LRRC4C: variants seen among roughly 807,000 people sequenced by gnomAD.
The protein encoded by LRRC4C is leucine-rich repeat-containing protein 4C.
In LRRC4C, 5 loss-of-function variants were observed where a neutral mutation model predicts 33.6. That is an observed-to-expected ratio of 0.15 (90% CI 0.08 to 0.31). The LOEUF is 0.31. LRRC4C is among the 10% of genes least tolerant of loss of function. LRRC4C has a pLI of 1.00. For synonymous variants in LRRC4C, 329 were observed against 302.0 expected (o/e 1.09, Z -0.93); for missense variants, 560 against 796.7 (o/e 0.70, Z 3.58).
chr11:41,373,746 A>T (rs1952838022), intron 1 of LRRC4C, among the ~76,000 whole-genome samples: 1 of 152,146 alleles, frequency 6.6e-6, no homozygotes, highest in Non-Finnish European at 1.5e-5. Context: ...TATAGGATCC[A>T]TGAAAATTTA....
chr11:41,398,823 T>C (rs1953919104), intron 1 of LRRC4C, among the ~76,000 whole-genome samples: 1 of 151,936 alleles, frequency 6.6e-6, no homozygotes, highest in South Asian at 2.1e-4. Flanking sequence ...ATTAAATTTC[T>C]AAGTTTGATG....
chr11:41,330,661 A>T (rs1385195097), intron 1 of LRRC4C, among the ~76,000 whole-genome samples: 1 of 152,074 alleles, frequency 6.6e-6, no homozygotes, highest in Non-Finnish European at 1.5e-5. Context: ...AGCCTCGGCC[A>T]CCTGGGCTCA....
chr11:40,489,661 A>G (rs1269866349), intron 3 of LRRC4C, among the ~76,000 whole-genome samples: 7 of 152,146 alleles, frequency 4.6e-5, no homozygotes, highest in Admixed American at 3.9e-4. Context: ...TTGAAAGCTC[A>G]CAATAAATGG....
At chr11:40,705,723 G>A (rs565316057) in intron 2 of LRRC4C, among the ~76,000 whole-genome samples, 8 of 152,016 alleles carry the variant, frequency 5.3e-5, no homozygotes, top group African/African-American at 1.9e-4. Flanking sequence ...TATATACCAC[G>A]TAATGGGATC....
chr11:41,020,355 A>G (rs921573496), intron 1 of LRRC4C, among the ~76,000 whole-genome samples: 6 of 152,190 alleles, frequency 3.9e-5, no homozygotes, highest in Admixed American at 3.9e-4. Flanking sequence ...GAATTTGTGC[A>G]TATGATCGTC....
At chr11:41,252,341 A>G (rs950708570) in intron 1 of LRRC4C, among the ~76,000 whole-genome samples, 17 of 152,156 alleles carry the variant, frequency 1.1e-4, no homozygotes, top group African/African-American at 4.1e-4. Context: ...CATTTTGAAG[A>G]GATGGCTCCT....
intron 4 of LRRC4C, among the ~76,000 whole-genome samples, chr11:40,307,368 C>T (rs1945092252): frequency 1.3e-5 from 2 of 152,138 alleles, no homozygotes; most frequent in South Asian, 2.1e-4. Flanking sequence ...AGAATTGTGG[C>T]TCCCAAGATT....
intron 3 of LRRC4C, among the ~76,000 whole-genome samples, chr11:40,632,347 G>A (rs1196794563): frequency 6.6e-6 from 1 of 152,206 alleles, no homozygotes; most frequent in Non-Finnish European, 1.5e-5. Context: ...TAGAGAACAG[G>A]ATGGTAATTT....
At chr11:40,119,571 C>T (rs1855678364) in intron 6 of LRRC4C, among the ~76,000 whole-genome samples, 2 of 152,128 alleles carry the variant, frequency 1.3e-5, no homozygotes, top group Non-Finnish European at 1.5e-5. Flanking sequence ...ATACTGTAGG[C>T]ACAAAATGAA....
At chr11:40,291,908 A>G (rs1194549133) in intron 4 of LRRC4C, among the ~76,000 whole-genome samples, 43 of 150,808 alleles carry the variant, frequency 2.9e-4, no homozygotes, top group Non-Finnish European at 1.3e-4. Flanking sequence ...GGCACCCGAC[A>G]CTGCAGCGGC....
At chr11:41,306,993 T>C (rs549816427) in intron 1 of LRRC4C, among the ~76,000 whole-genome samples, 9 of 152,292 alleles carry the variant, frequency 5.9e-5, no homozygotes, top group African/African-American at 2.2e-4. Context: ...ATCTAGATAG[T>C]TGTAGTTTGA....
At chr11:41,384,886 T>C (rs1219296529) in intron 1 of LRRC4C, among the ~76,000 whole-genome samples, 1 of 148,908 alleles carries the variant, frequency 6.7e-6, no homozygotes, top group Non-Finnish European at 1.5e-5. Context: ...TATACAAACT[T>C]TTTGGGGAGC....
chr11:40,836,808 A>T (rs561238032), intron 2 of LRRC4C, among the ~76,000 whole-genome samples: 1 of 152,298 alleles, frequency 6.6e-6, no homozygotes, highest in African/African-American at 2.4e-5. Context: ...TAAAGTATAG[A>T]AAGTCCCAGA....
At chr11:40,144,996 T>C (rs578216289) in intron 5 of LRRC4C, among the ~76,000 whole-genome samples, 1 of 152,302 alleles carries the variant, frequency 6.6e-6, no homozygotes, top group South Asian at 2.1e-4. Flanking sequence ...AGTGTGCTAG[T>C]TTTCCAACTC....
At chr11:40,901,911 CAG>C (rs1450333899) in intron 2 of LRRC4C, among the ~76,000 whole-genome samples, 2 of 151,724 alleles carry the variant, frequency 1.3e-5, no homozygotes, top group South Asian at 2.1e-4. Flanking sequence ...CTCACTGAAA[CAG>C]GGGTAACTCC....
At chr11:40,880,172 A>G (rs1291799732) in intron 2 of LRRC4C, among the ~76,000 whole-genome samples, 1 of 152,036 alleles carries the variant, frequency 6.6e-6, no homozygotes, top group Non-Finnish European at 1.5e-5. Flanking sequence ...GAGAGGGGGG[A>G]AGACTTTGAG....
At chr11:40,927,453 T>C (rs545752599) in intron 2 of LRRC4C, among the ~76,000 whole-genome samples, 2 of 152,294 alleles carry the variant, frequency 1.3e-5, no homozygotes, top group South Asian at 4.1e-4. Context: ...AAATATGTAT[T>C]TATTAATTGT....
At chr11:40,471,000 G>A (rs554006204) in intron 3 of LRRC4C, among the ~76,000 whole-genome samples, 3 of 152,228 alleles carry the variant, frequency 2.0e-5, no homozygotes, top group Non-Finnish European at 4.4e-5. Context: ...ACCTAGCAAG[G>A]CAGGCCAGCA....
rs572039867 is a variant in LRRC4C at position 40,671,025 on chromosome 11, G to A, written c.-406-22747C>T. Among the ~76,000 whole-genome samples the A allele has an allele frequency of 1.7e-4, 26 of 152,240 alleles. No individual in the cohort carries two copies. The South Asian group carries it at 5.0e-3, about 29-fold the overall frequency. ...TGATCCGCCCGCCTTGGCCTCCCAA[G>A]GTGCTGGGATTACAGGCATGAGCCA... On this transcript the variant is annotated intron_variant, in intron 2 of 6. Coordinates refer to ENST00000528697, the MANE Select transcript of LRRC4C (RefSeq NM_001258419.2).
Sources: gnomAD v4.1 joint callset for allele counts (sites outside exome capture counted in the v4.1 genomes callset) on GRCh38, gnomAD v4.1.1 for gene constraint, MANE v1.5 for transcripts, NCBI Gene and HGNC (gene_info 2026-07-23, HGNC 2026-07-21) for gene names.